VPS35L: variants seen among roughly 807,000 people sequenced by gnomAD.
VPS35L encodes the protein VPS35 endosomal protein sorting factor like.
VPS35L carries 83 observed loss-of-function variants against 133.0 expected under a neutral mutation model. The ratio of observed to expected loss-of-function variants is 0.62; its 90% CI spans 0.52 to 0.75. The LOEUF (loss-of-function observed/expected upper bound fraction) is 0.75, where lower values mean the gene tolerates loss of function less well. VPS35L is among the 30% of genes least tolerant of loss of function. The pLI, the probability that VPS35L is intolerant of heterozygous loss-of-function variation, is 0.00. For synonymous variants in VPS35L, 423 were observed against 449.9 expected, an observed-to-expected ratio of 0.94 and a Z score of 0.76; for missense variants, 1,083 against 1,206.8, an observed-to-expected ratio of 0.90 and a Z score of 1.52.
chr16:19,640,433 C>G (rs1973752887), intron 21 of VPS35L, among the ~76,000 whole-genome samples: 1 of 152,178 alleles, frequency 6.6e-6, no homozygotes, highest in African/African-American at 2.4e-5. Flanking sequence ...GCCAGCAGCT[C>G]CATTTTACTT....
intron 14 of VPS35L, among the ~76,000 whole-genome samples, chr16:19,622,329 G>T (rs1385974221): frequency 6.6e-6 from 1 of 151,696 alleles, no homozygotes; most frequent in African/African-American, 2.4e-5. Flanking sequence ...TTTTAGTAGA[G>T]ACAGGGTCTC....
At position 19,579,102 on chromosome 16, in the gene VPS35L, C is replaced by T; in HGVS notation, c.484C>T (p.Leu162=). 6.2e-7 allele frequency: 1 copy of T among 1,614,040 alleles called. No individual in the cohort carries two copies. Among genetic ancestry groups the T allele is most frequent in the South Asian group, 1.1e-5 (1 of 91,036 alleles). Residue 162 remains leucine (L), a synonymous_variant, in exon 6 of 31, where the codon CTG becomes TTG. Coordinates refer to ENST00000417362, the MANE Select transcript of VPS35L (RefSeq NM_020314.7). ...LAMSEKVRTR[L]EELDDFEEGS... ...AATGTCAGAGAAGGTGCGGACCCGGCTGGAGGAGCTGGATGACTTTGAGGA... is the reference window on the plus strand; with the variant it reads ...AATGTCAGAGAAGGTGCGGACCCGGTTGGAGGAGCTGGATGACTTTGAGGA...
At chr16:19,618,962 A>C (rs1197125143) in intron 14 of VPS35L, among the ~76,000 whole-genome samples, 2 of 140,232 alleles carry the variant, frequency 1.4e-5, no homozygotes, top group Admixed American at 7.4e-5. Flanking sequence ...ACAGAGTCTC[A>C]CTCTGTCTCC....
At chr16:19,690,295 A>T (rs1371133510) in intron 28 of VPS35L, among the ~76,000 whole-genome samples, 1 of 152,074 alleles carries the variant, frequency 6.6e-6, no homozygotes, top group Non-Finnish European at 1.5e-5. Flanking sequence ...GCTCTGTGTG[A>T]AGTTCAGTTG....
chr16:19,699,438 A>C lies in VPS35L; in HGVS notation c.2647-64A>C, dbSNP rs1037888839. 2 of 1,593,986 alleles carry C rather than the reference A, an allele frequency of 1.3e-6. No individual in the cohort carries two copies. The highest frequency in any genetic ancestry group is 1.1e-5 in the South Asian group (1 of 88,832). ...CTACCCCAGAGTCAGCACTGTCCAC[A>C]GCATCTCTGCGGGGCACGGCCTGAG... On this transcript the variant is annotated intron_variant, in intron 29 of 30. Coordinates refer to ENST00000417362, the MANE Select transcript of VPS35L (RefSeq NM_020314.7). This position sits in a 1 kb window ranked among gnomAD's most constrained non-coding sequence, Gnocchi z 4.2.
At chr16:19,586,137 C>T (rs1479603512) in intron 7 of VPS35L, among the ~76,000 whole-genome samples, 1 of 151,622 alleles carries the variant, frequency 6.6e-6, no homozygotes, top group South Asian at 2.1e-4. Flanking sequence ...TGTGCTCAAG[C>T]GATCCTTTCA....
At chr16:19,610,018 A>G (rs138822868) in intron 11 of VPS35L, among the ~76,000 whole-genome samples, 7 of 152,284 alleles carry the variant, frequency 4.6e-5, no homozygotes, top group Non-Finnish European at 1.0e-4. Flanking sequence ...AAATAATTGA[A>G]GACAAAAACT....
chr16:19,630,572 A>C (rs990604453), intron 18 of VPS35L, among the ~76,000 whole-genome samples: 2 of 151,908 alleles, frequency 1.3e-5, no homozygotes, highest in Non-Finnish European at 1.5e-5. Context: ...CTGAGCTCGC[A>C]ATCAGCCCGC....
At chr16:19,667,546 C>T (rs1230215677) in intron 26 of VPS35L, among the ~76,000 whole-genome samples, 1 of 151,958 alleles carries the variant, frequency 6.6e-6, no homozygotes, top group Non-Finnish European at 1.5e-5. Flanking sequence ...CCAGCTTGGG[C>T]AACACGGTGA....
At chr16:19,614,786 G>A (rs1972832928) in intron 12 of VPS35L, among the ~76,000 whole-genome samples, 1 of 152,204 alleles carries the variant, frequency 6.6e-6, no homozygotes, top group Non-Finnish European at 1.5e-5. Context: ...AAGAAACACT[G>A]TGATGTTGTG....
Position 19,691,530 on chromosome 16 carries a change from G to C in VPS35L, c.2646+59G>C, listed in dbSNP as rs911007123. Reference sequence around the variant, plus strand: ...TGCTCTGAAAGCACAAGTTTCCAGGGTGGTTCAACCTTGGTTCATTCTAGA... The same window carrying C: ...TGCTCTGAAAGCACAAGTTTCCAGGCTGGTTCAACCTTGGTTCATTCTAGA... On this transcript the variant is annotated intron_variant, in intron 29 of 30. Transcript: ENST00000417362. 6.4e-6 allele frequency: 9 copies of C among 1,416,074 alleles called. No homozygotes were observed. The Admixed American group carries it at 1.5e-4, about 24-fold the overall frequency. 87.7% of individuals were successfully genotyped at this position (1,416,074 alleles called of 1,614,324 possible).
chr16:19,682,158 TTGA>T, intron 27 of VPS35L, 64 bp from the exon 28 acceptor site: 3 of 1,551,984 alleles, frequency 1.9e-6, no homozygotes, highest in Non-Finnish European at 2.6e-6. Context: ...GGCTTCTGTG[TTGA>T]TTTTCTTTTT....
At chr16:19,658,809 G>A (rs1974389651) in intron 26 of VPS35L, among the ~76,000 whole-genome samples, 1 of 152,300 alleles carries the variant, frequency 6.6e-6, no homozygotes, top group South Asian at 2.1e-4. Flanking sequence ...AGTACGTCTG[G>A]AAGGAATGAG....
chr16:19,569,638 G>T (rs1223896460), intron 3 of VPS35L, 47 bp downstream of exon 3: 5 of 1,482,946 alleles, frequency 3.4e-6, no homozygotes, highest in Admixed American at 2.5e-5. Flanking sequence ...GGTTTTGTGG[G>T]TGCAGGAATG....
At chr16:19,655,567 A>G (rs375958759) in intron 26 of VPS35L, among the ~76,000 whole-genome samples, 21 of 152,110 alleles carry the variant, frequency 1.4e-4, no homozygotes, top group East Asian at 5.8e-4. Flanking sequence ...GTCCATCCCG[A>G]CAAGTAAACT....
At chr16:19,682,055 C>T (rs1463490016) in intron 27 of VPS35L, among the ~76,000 whole-genome samples, 170 bp from the exon 28 acceptor site, 1 of 152,176 alleles carries the variant, frequency 6.6e-6, no homozygotes, top group Admixed American at 6.5e-5. Context: ...TGTCATTTTC[C>T]TCTGTATTGT....
intron 28 of VPS35L, among the ~76,000 whole-genome samples, chr16:19,683,801 C>T (rs1975367659): frequency 6.6e-6 from 1 of 152,138 alleles, no homozygotes. Context: ...ATTTATTTTC[C>T]TTTGGGTATA....
At chr16:19,678,709 CTCAAGCAG>C (rs1436704897) in intron 27 of VPS35L, among the ~76,000 whole-genome samples, 3 of 151,856 alleles carry the variant, frequency 2.0e-5, no homozygotes, top group Non-Finnish European at 4.4e-5. Context: ...AACTCCTGAC[CTCAAGCAG>C]TCCACCTGCC....
At position 19,633,810 on chromosome 16, in the gene VPS35L, T is replaced by A. The variant is rs1287733380; in HGVS notation, c.1635+638T>A. ...TGGAGTGCAGTGGTGCGATCTTGGC[T>A]CATTGCAACCTCCACCTTCAATTCT... On this transcript the variant is annotated intron_variant, in intron 19 of 30. Transcript: ENST00000417362. The surrounding 1 kb of genome is among the most constrained non-coding windows in gnomAD (Gnocchi z 4.1). Among the ~76,000 whole-genome samples, 1 of 152,178 alleles carries A rather than the reference T, an allele frequency of 6.6e-6. No homozygotes were observed. Among genetic ancestry groups the A allele is most frequent in the Admixed American group, 6.5e-5 (1 of 15,288 alleles).
Sources: allele counts gnomAD v4.1 joint callset (sites outside exome capture counted in the v4.1 genomes callset), GRCh38; gene constraint gnomAD v4.1.1; non-coding constraint Gnocchi (gnomAD v3.1); transcripts MANE v1.5; gene names NCBI Gene and HGNC (gene_info 2026-07-23, HGNC 2026-07-21).